Variants in RPS6KA2 observed in about 807,000 individuals in gnomAD.
RPS6KA2 encodes ribosomal protein S6 kinase alpha-2.
RPS6KA2 carries 42 observed loss-of-function variants against 91.8 expected under a neutral mutation model. The observed-to-expected ratio is 0.46, with a 90% confidence interval of 0.36 to 0.59. The LOEUF (loss-of-function observed/expected upper bound fraction) is 0.59, where lower values mean the gene tolerates loss of function less well. RPS6KA2 is among the 20% of genes least tolerant of loss of function. The pLI is 0.00. For missense variants in RPS6KA2, 798 were observed against 978.5 expected, an observed-to-expected ratio of 0.82 and a Z score of 2.46; for synonymous variants, 414 against 393.6, an observed-to-expected ratio of 1.05 and a Z score of -0.61.
At chr6:166,566,465 A>G (rs1784508945) in intron 1 of RPS6KA2, among the ~76,000 whole-genome samples, 1 of 152,220 alleles carries the variant, frequency 6.6e-6, no homozygotes, top group African/African-American at 2.4e-5. Context: ...CTGCCCATCC[A>G]CCACATCACC....
At chr6:166,717,916 C>T (rs1002942907) in intron 2 of RPS6KA2, among the ~76,000 whole-genome samples, 2 of 151,172 alleles carry the variant, frequency 1.3e-5, no homozygotes, top group African/African-American at 4.9e-5. Context: ...ATGGCACGAT[C>T]TCAGCTAACT....
chr6:166,542,389 T>C (rs1383798274), intron 1 of RPS6KA2: 1 of 152,240 alleles, frequency 6.6e-6, no homozygotes, highest in African/African-American at 2.4e-5. Context: ...TCAAGTCTGT[T>C]CCTGAATCGG....
chr6:166,598,263 G>C (rs1785610173), intron 1 of RPS6KA2, among the ~76,000 whole-genome samples: 1 of 152,188 alleles, frequency 6.6e-6, no homozygotes, highest in Non-Finnish European at 1.5e-5. Context: ...CCTCCCTGCT[G>C]TTCAGGATAA....
intron 3 of RPS6KA2, among the ~76,000 whole-genome samples, chr6:166,525,453 C>T (rs1247943331): frequency 6.6e-6 from 1 of 152,158 alleles, no homozygotes; most frequent in Non-Finnish European, 1.5e-5. Context: ...GATGACCTCC[C>T]TCGGAAGTGA....
intron 2 of RPS6KA2, among the ~76,000 whole-genome samples, chr6:166,689,147 C>A (rs970136529): frequency 6.6e-6 from 1 of 152,268 alleles, no homozygotes; most frequent in Non-Finnish European, 1.5e-5. Flanking sequence ...GCCAAAAGCG[C>A]TCCCCTACCA....
At position 166,508,248 on chromosome 6, in the gene RPS6KA2, C is replaced by T; in HGVS notation, c.414G>A (p.Leu138=). 1.9e-6 allele frequency: 3 copies of T among 1,613,724 alleles called. No individual in the cohort carries two copies. Among genetic ancestry groups the T allele is most frequent in the Middle Eastern group, 3.3e-4 (2 of 6,058 alleles). The change falls in exon 5 of 21, where the codon CTG becomes CTA. Residue 138 remains leucine, a synonymous_variant. Transcript: ENST00000265678. This position sits in a 1 kb window ranked among gnomAD's most constrained non-coding sequence, Gnocchi z 4.3. ...FQTEGKLYLI[L]DFLRGGDLFT... ...AGAGGTCCCCTCCCCGCAGGAAGTCCAGGATCAGGTAGAGCTTTCCTTCCG... is the reference window on the plus strand; with the variant it reads ...AGAGGTCCCCTCCCCGCAGGAAGTCTAGGATCAGGTAGAGCTTTCCTTCCG...
chr6:166,769,432 A>G (rs559154899), intron 2 of RPS6KA2, among the ~76,000 whole-genome samples: 3 of 152,292 alleles, frequency 2.0e-5, no homozygotes, highest in African/African-American at 7.2e-5. Context: ...CTCCAACTCC[A>G]GCAGACCTTG....
At chr6:166,691,996 A>G (rs1258658747) in intron 2 of RPS6KA2, among the ~76,000 whole-genome samples, 1 of 152,152 alleles carries the variant, frequency 6.6e-6, no homozygotes, top group Non-Finnish European at 1.5e-5. Context: ...GTCACCCATC[A>G]GCTGAAATCC....
At chr6:166,855,271 T>C (rs185040816) in intron 2 of RPS6KA2, among the ~76,000 whole-genome samples, 83 of 152,244 alleles carry the variant, frequency 5.5e-4, no homozygotes, top group Admixed American at 1.1e-3. Flanking sequence ...AGTCCAGAAT[T>C]CATGACTACA....
At chr6:166,699,973 A>G (rs1789462555) in intron 2 of RPS6KA2, among the ~76,000 whole-genome samples, 1 of 152,216 alleles carries the variant, frequency 6.6e-6, no homozygotes, top group African/African-American at 2.4e-5. Context: ...CACACCATCT[A>G]TGACTGTCCC....
At chr6:166,487,089 T>C (rs1318764695) in intron 10 of RPS6KA2, among the ~76,000 whole-genome samples, 1 of 152,166 alleles carries the variant, frequency 6.6e-6, no homozygotes, top group Non-Finnish European at 1.5e-5. Flanking sequence ...GCAAACACCG[T>C]TTATTTGTAC....
intron 1 of RPS6KA2, among the ~76,000 whole-genome samples, chr6:166,544,299 G>T (rs959511474): frequency 5.9e-5 from 9 of 152,206 alleles, no homozygotes; most frequent in Non-Finnish European, 1.2e-4. Flanking sequence ...TGGCTTTTTA[G>T]CCTCTTCCGG....
chr6:166,819,805 T>C (rs1779858545), intron 2 of RPS6KA2, among the ~76,000 whole-genome samples: 1 of 152,324 alleles, frequency 6.6e-6, no homozygotes, highest in South Asian at 2.1e-4. Context: ...GTATGAATAA[T>C]GCTGCAAGGA....
intron 1 of RPS6KA2, among the ~76,000 whole-genome samples, chr6:166,577,903 G>C (rs913764131): frequency 6.6e-6 from 1 of 152,202 alleles, no homozygotes; most frequent in Non-Finnish European, 1.5e-5. Flanking sequence ...AGAGGGACCT[G>C]ATGGGAGATA....
chr6:166,625,107 C>A (rs1786805888), intron 1 of RPS6KA2, among the ~76,000 whole-genome samples: 1 of 152,182 alleles, frequency 6.6e-6, no homozygotes, highest in Non-Finnish European at 1.5e-5. Context: ...GCTGGCATTA[C>A]AGGCATGAGC....
intron 10 of RPS6KA2, among the ~76,000 whole-genome samples, chr6:166,472,898 C>T (rs1282132556): frequency 1.3e-5 from 2 of 152,108 alleles, no homozygotes; most frequent in Admixed American, 6.6e-5. Context: ...CACAGAAGGC[C>T]GGAATTCCCT....
At chr6:166,421,156 T>G (rs1460325640) in intron 17 of RPS6KA2, among the ~76,000 whole-genome samples, 1 of 152,200 alleles carries the variant, frequency 6.6e-6, no homozygotes, top group African/African-American at 2.4e-5. Context: ...CACATGGAGC[T>G]TGTGCTTTCT....
In RPS6KA2 at chr6:166,841,436, G is replaced by A. The variant is rs117044869; in HGVS notation, c.123+16764C>T. ...TTTCAAAGACAGTGGTCCCAGAGCTGACGATGAGCTTTTTCCAAAGCCTGA... is the reference window on the plus strand; with the variant it reads ...TTTCAAAGACAGTGGTCCCAGAGCTAACGATGAGCTTTTTCCAAAGCCTGA... On this transcript the variant is annotated intron_variant, in intron 2 of 21. Coordinates refer to the RPS6KA2 transcript ENST00000503859. Among the ~76,000 whole-genome samples, 797 of 152,382 alleles carry A rather than the reference G, an allele frequency of 5.2e-3. 22 individuals are homozygous for A. The highest frequency in any genetic ancestry group is 0.046 in the Admixed American group (698 of 15,308).
chr6:166,492,115 G>A (rs1781607025), intron 8 of RPS6KA2, among the ~76,000 whole-genome samples: 1 of 152,066 alleles, frequency 6.6e-6, no homozygotes, highest in South Asian at 2.1e-4. Context: ...ATGCATTTAA[G>A]GTTTTATTAA....
Sources: gnomAD v4.1 joint callset for allele counts (sites outside exome capture counted in the v4.1 genomes callset) on GRCh38, gnomAD v4.1.1 for gene constraint, Gnocchi (gnomAD v3.1) non-coding constraint, MANE v1.5 for transcripts, NCBI Gene and HGNC (gene_info 2026-07-23, HGNC 2026-07-21) for gene names.